SEZ6: variants seen among roughly 807,000 people sequenced by gnomAD.
The protein encoded by SEZ6 is seizure related 6 homolog.
In SEZ6, 53 loss-of-function variants were observed where a neutral mutation model predicts 101.0. The ratio of observed to expected loss-of-function variants is 0.52; its 90% CI spans 0.42 to 0.66. The LOEUF (loss-of-function observed/expected upper bound fraction) is 0.66, where lower values mean the gene tolerates loss of function less well. SEZ6 is among the 30% of genes least tolerant of loss of function. The pLI is 0.00. For synonymous variants in SEZ6, 488 were observed against 512.2 expected (o/e 0.95, Z 0.64); for missense variants, 1,102 against 1,289.4 (o/e 0.85, Z 2.23).
At chr17:28,973,710 G>T (rs1162397342) in intron 3 of SEZ6, among the ~76,000 whole-genome samples, 1 of 152,210 alleles carries the variant, frequency 6.6e-6, no homozygotes, top group Non-Finnish European at 1.5e-5. Flanking sequence ...GCTGACAGAG[G>T]CCAGACAGGG....
intron 1 of SEZ6, among the ~76,000 whole-genome samples, chr17:28,985,877 C>T (rs541270214): frequency 1.3e-5 from 2 of 152,252 alleles, no homozygotes; most frequent in Non-Finnish European, 2.9e-5. Context: ...AGATCGTCCC[C>T]GTGATCCCCA....
intron 1 of SEZ6, among the ~76,000 whole-genome samples, chr17:28,994,784 C>G (rs1269942314): frequency 6.6e-6 from 1 of 152,032 alleles, no homozygotes; most frequent in Non-Finnish European, 1.5e-5. Flanking sequence ...GTGCTCAACC[C>G]TGGGGGCTGA....
At chr17:29,004,100 A>G (rs1036264669) in intron 1 of SEZ6, among the ~76,000 whole-genome samples, 4 of 152,034 alleles carry the variant, frequency 2.6e-5, no homozygotes, top group African/African-American at 7.2e-5. Context: ...ACACCCATTC[A>G]CTGCTGACCC....
intron 1 of SEZ6, among the ~76,000 whole-genome samples, chr17:28,994,240 G>A (rs2041505368): frequency 6.6e-6 from 1 of 152,028 alleles, no homozygotes; most frequent in African/African-American, 2.4e-5. Flanking sequence ...CTCTGGGCCT[G>A]GCCGGTTTTT....
intron 11 of SEZ6, 199 bp from the exon 12 acceptor site, chr17:28,957,738 C>T (rs1207612139): frequency 2.4e-6 from 2 of 841,262 alleles, no homozygotes; most frequent in Non-Finnish European, 3.6e-6. Context: ...ACTGATTGGC[C>T]ATCTACCAGG....
upstream of SEZ6, chr17:29,006,056 C>G (rs946507493): frequency 1.8e-5 from 7 of 393,412 alleles, no homozygotes; most frequent in Admixed American, 4.9e-5. Flanking sequence ...GCGACGGCGC[C>G]GGGGATCGCC....
chr17:29,002,636 A>G (rs1462796682), intron 1 of SEZ6, among the ~76,000 whole-genome samples: 6 of 152,078 alleles, frequency 3.9e-5, no homozygotes, highest in Non-Finnish European at 8.8e-5. Context: ...ACTGTCTCCC[A>G]TGGGGCCTTG....
intron 4 of SEZ6, among the ~76,000 whole-genome samples, chr17:28,965,064 A>C (rs1476122634): frequency 1.5e-5 from 2 of 130,026 alleles, no homozygotes; most frequent in East Asian, 4.9e-4. Flanking sequence ...CTCAAAACAA[A>C]CAAACAGCCG....
At chr17:28,978,631 G>T (rs1324999660) in intron 3 of SEZ6, among the ~76,000 whole-genome samples, 1 of 152,266 alleles carries the variant, frequency 6.6e-6, no homozygotes. Flanking sequence ...TTAGTGCAAA[G>T]TGGGGGTAAA....
chr17:28,958,900 G>A (rs2040927248), intron 10 of SEZ6, 125 bp downstream of exon 10: 1 of 1,090,976 alleles, frequency 9.2e-7, no homozygotes, highest in Non-Finnish European at 1.3e-6. Flanking sequence ...CTTCCTCCAG[G>A]TGATCCCTGG....
Position 28,956,185 on chromosome 17 carries a change from A to G in SEZ6, c.2926T>C (p.Phe976Leu), listed in dbSNP as rs770169012. 1 of 1,077,848 alleles carries G rather than the reference A, an allele frequency of 9.3e-7. No individual in the cohort carries two copies. The highest frequency in any genetic ancestry group is 1.3e-6 in the Non-Finnish European group (1 of 780,388). The allele number at this position is 1,077,848 out of a possible 1,614,324, so 66.8% of individuals were successfully genotyped here. Residue 976 changes from phenylalanine to leucine, a missense_variant, in exon 16 of 17, where the codon TTT (phenylalanine) becomes CTT (leucine). By Grantham distance (22) the Phe-to-Leu change is conservative. Transcript: ENST00000317338. ...PYNRITIESA[F>L]DNPTYETGSL... Reference sequence around the variant, plus strand: ...CCAGTCTCGTAAGTTGGATTGTCAAACGCTGACTCTATGGTAATGCGGTTG... The same window carrying G: ...CCAGTCTCGTAAGTTGGATTGTCAAGCGCTGACTCTATGGTAATGCGGTTG...
At position 28,981,806 on chromosome 17, in the gene SEZ6, C is replaced by T; in HGVS notation, c.289G>A (p.Asp97Asn). ...ELRPALPFQP[D>N]PPAPFTPSPL... ...CTTGGGGTGAAGGGTGCAGGTGGGT[C>T]AGGCTGGAAGGGCAGTGCTGGCCTC... is the stretch of plus-strand genomic sequence containing the variant. Residue 97 changes from aspartate (D) to asparagine (N), a missense_variant, in exon 2 of 17, where the codon GAC becomes AAC. Asp to Asn is a conservative substitution (Grantham distance 23). Around this residue, in one of 3 missense-constraint regions of SEZ6, gnomAD observed 406 missense variants for 418.6 expected, o/e 0.97. Coordinates refer to ENST00000317338, the MANE Select transcript of SEZ6 (RefSeq NM_178860.5). 4.3e-6 allele frequency: 7 copies of T among 1,613,864 alleles called. No individual in the cohort carries two copies. The highest frequency in any genetic ancestry group is 5.9e-6 in the Non-Finnish European group (7 of 1,179,848).
intron 1 of SEZ6, among the ~76,000 whole-genome samples, chr17:28,990,170 G>A (rs988879919): frequency 2.6e-5 from 4 of 152,192 alleles, no homozygotes; most frequent in South Asian, 2.1e-4. Flanking sequence ...GTTAGCAGCC[G>A]TTATTCTGGA....
At position 28,997,416 on chromosome 17, in the gene SEZ6, C is replaced by T. The variant is rs116953841; in HGVS notation, c.55+8399G>A. On this transcript the variant is annotated intron_variant, in intron 1 of 16. Transcript: ENST00000317338. Reference sequence around the variant, plus strand: ...ATCACCAGCATATCTCTTTGCTAGACGTAAATGATGCCTAAGACAATGTCC... The same window carrying T: ...ATCACCAGCATATCTCTTTGCTAGATGTAAATGATGCCTAAGACAATGTCC... Among the ~76,000 whole-genome samples the T allele has an allele frequency of 5.3e-5, 8 of 152,286 alleles. No individual in the cohort carries two copies. The East Asian group carries it at 5.8e-4, about 11-fold the overall frequency.
chr17:28,963,907 G>A (rs1052696221), intron 5 of SEZ6, 55 bp downstream of exon 5: 2 of 1,554,606 alleles, frequency 1.3e-6, no homozygotes, highest in African/African-American at 2.7e-5. Context: ...GAGCAGGGAT[G>A]AGCCCCCACC....
intron 3 of SEZ6, among the ~76,000 whole-genome samples, chr17:28,978,940 G>T (rs758249995): frequency 6.6e-6 from 1 of 152,036 alleles, no homozygotes; most frequent in African/African-American, 2.4e-5. Flanking sequence ...GGGACTGGGG[G>T]AAGAGGGACA....
intron 5 of SEZ6, among the ~76,000 whole-genome samples, chr17:28,961,207 T>C (rs1316658001): frequency 6.6e-6 from 1 of 152,152 alleles, no homozygotes; most frequent in Non-Finnish European, 1.5e-5. Flanking sequence ...CCCCTGGGAC[T>C]GACCAGGGTA....
intron 5 of SEZ6, 156 bp downstream of exon 5, chr17:28,963,806 A>G (rs905429296): frequency 5.0e-6 from 4 of 793,442 alleles, no homozygotes; most frequent in African/African-American, 3.4e-5. Flanking sequence ...TAGATGCTCA[A>G]TAAGTGCAGG....
intron 2 of SEZ6, among the ~76,000 whole-genome samples, chr17:28,980,643 C>T (rs1342955636): frequency 6.6e-6 from 1 of 152,158 alleles, no homozygotes; most frequent in East Asian, 1.9e-4. Flanking sequence ...GCTGGGATTA[C>T]AGGCATGAGC....
Sources: allele counts gnomAD v4.1 joint callset (sites outside exome capture counted in the v4.1 genomes callset), GRCh38; gene constraint gnomAD v4.1.1; regional missense constraint gnomAD v4.1.1; transcripts MANE v1.5; gene names NCBI Gene and HGNC (gene_info 2026-07-23, HGNC 2026-07-21).